The following ABCE1 variants were observed in gnomAD, a reference collection of about 807,000 sequenced individuals.
ABCE1 encodes ATP-binding cassette sub-family E member 1.
A neutral mutation model predicts 83.4 loss-of-function variants in ABCE1; 22 were observed. That is an observed-to-expected ratio of 0.26 (90% CI 0.19 to 0.38). The LOEUF is 0.38. Ranked by LOEUF, ABCE1 falls within the 10% of genes least tolerant of loss-of-function variation. The probability of loss-of-function intolerance (pLI) is 1.00; values close to 1 mark genes in which losing one functional copy is unlikely to be tolerated. For missense variants in ABCE1, 330 were observed against 721.9 expected, an observed-to-expected ratio of 0.46 and a Z score of 6.22; for synonymous variants, 204 against 233.7, an observed-to-expected ratio of 0.87 and a Z score of 1.16.
intron 13 of ABCE1, chr4:145,121,990 A>G (rs1483654635): frequency 6.6e-6 from 1 of 152,318 alleles, no homozygotes; most frequent in Admixed American, 6.5e-5. Flanking sequence ...CTTTACCCAC[A>G]AGATGGGAGA....
chr4:145,109,066 C>T, intron 4 of ABCE1, 66 bp from the exon 5 acceptor site: 1 of 1,099,488 alleles, frequency 9.1e-7, no homozygotes, highest in Non-Finnish European at 1.4e-6. Flanking sequence ...ATATATCATT[C>T]TGATGTTATG....
chr4:145,105,505 C>T (rs1749277264), intron 2 of ABCE1, 100 bp from the exon 3 acceptor site: 1 of 758,720 alleles, frequency 1.3e-6, no homozygotes, highest in East Asian at 2.7e-5. Flanking sequence ...TGAAAATCTG[C>T]TTCTGTATGG....
Position 145,107,997 on chromosome 4 carries a change from C to T in ABCE1, c.190-18C>T. 6 of 1,590,470 alleles carry T rather than the reference C, an allele frequency of 3.8e-6. No individual in the cohort carries two copies. The highest frequency in any genetic ancestry group is 4.3e-6 in the Non-Finnish European group (5 of 1,167,888). ...CTACAAATTAATACAAAAATTAATT[C>T]TTTACTTTAAATAACAGAAATGCCC... On this transcript the variant is annotated intron_variant, in intron 3 of 17. Transcript: ENST00000296577.
At position 145,098,314 on chromosome 4, in the gene ABCE1, G is replaced by C. The variant is rs953197164; in HGVS notation, c.-133G>C. ...CTTGCGCGTGCGGCGGCTGGGCACC[G>C]CCATTTTGGCCGGTGGCCGTGAGAA... On this transcript the variant is annotated 5_prime_UTR_variant, in exon 1 of 18. Transcript: ENST00000296577. 4 of 152,406 alleles carry C rather than the reference G, an allele frequency of 2.6e-5. No individual in the cohort carries two copies. The highest frequency in any genetic ancestry group is 9.6e-5 in the African/African-American group (4 of 41,476). The allele number at this position is 152,406 out of a possible 1,614,324, so 9.4% of individuals were successfully genotyped here. A position where few individuals can be genotyped will look rare whatever the true frequency, so the allele number is the denominator to read the frequency against.
chr4:145,102,769 T>C lies in ABCE1; in HGVS notation c.-27-1617T>C, dbSNP rs1579207971. Among the ~76,000 whole-genome samples, 5 of 152,188 alleles carry C rather than the reference T, an allele frequency of 3.3e-5. No homozygotes were observed. The Middle Eastern group carries it at 0.014, about 414-fold the overall frequency. On this transcript the variant is annotated intron_variant, in intron 1 of 17. Coordinates refer to ENST00000296577, the MANE Select transcript of ABCE1 (RefSeq NM_002940.3). Reference sequence around the variant, plus strand: ...GAATGGAGGAATCAGAGTTGTTGGATTGTTGTGTAGTAGGGGGTGAACTAA... The same window carrying C: ...GAATGGAGGAATCAGAGTTGTTGGACTGTTGTGTAGTAGGGGGTGAACTAA...
rs1344777190 is a variant in ABCE1, at chr4:145,123,107, A to G, written c.1350A>G (p.Gln450=). ...TGACCGATGTAATGAAGCCTCTGCA[A>G]ATTGAAAACATCATTGATCAAGAGG... ...QFVTDVMKPL[Q]IENIIDQEVQ... Residue 450 remains glutamine (Q), a synonymous_variant, in exon 14 of 18, where the codon CAA becomes CAG. Coordinates refer to ENST00000296577, the MANE Select transcript of ABCE1 (RefSeq NM_002940.3). 1 of 1,603,002 alleles carries G rather than the reference A, an allele frequency of 6.2e-7. No homozygotes were observed. The highest frequency in any genetic ancestry group is 8.5e-7 in the Non-Finnish European group (1 of 1,176,750).
At chr4:145,099,039 T>C (rs924707605) in intron 1 of ABCE1, among the ~76,000 whole-genome samples, 2 of 152,212 alleles carry the variant, frequency 1.3e-5, no homozygotes, top group African/African-American at 4.8e-5. Context: ...ATCCTATAGT[T>C]TTTTTGGTAC....
chr4:145,118,502 G>T (rs973220927), intron 10 of ABCE1, among the ~76,000 whole-genome samples: 4 of 151,514 alleles, frequency 2.6e-5, no homozygotes, highest in African/African-American at 9.7e-5. Flanking sequence ...TAGTCTTAAG[G>T]GATGACATCA....
At position 145,109,267 on chromosome 4, in the gene ABCE1, G is replaced by A. The variant is rs1226218664; in HGVS notation, c.405+18G>A. On this transcript the variant is annotated intron_variant, in intron 5 of 17. Coordinates refer to ENST00000296577, the MANE Select transcript of ABCE1 (RefSeq NM_002940.3). Reference sequence around the variant, plus strand: ...AGTACGATGTATGTATTATCACCTTGTAAAAATTAATATCATGAGTCAGTT... The same window carrying A: ...AGTACGATGTATGTATTATCACCTTATAAAAATTAATATCATGAGTCAGTT... 4 of 1,442,002 alleles carry A rather than the reference G, an allele frequency of 2.8e-6. No homozygotes were observed. Among genetic ancestry groups the A allele is most frequent in the African/African-American group, 2.9e-5 (2 of 70,048 alleles). The allele number at this position is 1,442,002 out of a possible 1,614,324, so 89.3% of individuals were successfully genotyped here.
chr4:145,103,667 G>A (rs1251957730), intron 1 of ABCE1, among the ~76,000 whole-genome samples: 1 of 152,046 alleles, frequency 6.6e-6, no homozygotes, highest in Non-Finnish European at 1.5e-5. Flanking sequence ...AGAGCTTGTG[G>A]GATTTCCCCC....
chr4:145,123,475 T>C lies in ABCE1; in HGVS notation c.1518-3T>C. 1 of 1,597,424 alleles carries C rather than the reference T, an allele frequency of 6.3e-7. No individual in the cohort carries two copies. Among genetic ancestry groups the C allele is most frequent in the Non-Finnish European group, 8.6e-7 (1 of 1,166,248 alleles). On this transcript the variant is annotated splice_region_variant and splice_polypyrimidine_tract_variant and intron_variant, in intron 15 of 17. Transcript: ENST00000296577. ...ATAAGATTTCAAAATCATTGTGTTT[T>C]AGTTTCATACTCCATGCAAAAAAGA...
intron 1 of ABCE1, among the ~76,000 whole-genome samples, chr4:145,099,728 A>C (rs1232689260): frequency 6.6e-6 from 1 of 152,192 alleles, no homozygotes; most frequent in Non-Finnish European, 1.5e-5. Flanking sequence ...GGGTTAGACT[A>C]TTTCATGTGA....
chr4:145,120,231 T>A, intron 11 of ABCE1, 78 bp downstream of exon 11: 3 of 1,287,860 alleles, frequency 2.3e-6, no homozygotes, highest in South Asian at 2.7e-5. Context: ...TGTGGAAAAA[T>A]TTGAATCATA....
intron 4 of ABCE1, 104 bp from the exon 5 acceptor site, chr4:145,109,028 G>A: frequency 1.3e-6 from 1 of 762,712 alleles, no homozygotes; most frequent in Non-Finnish European, 2.2e-6. Flanking sequence ...CTTATTAATG[G>A]ATGGTTGTGA....
At position 145,110,235 on chromosome 4, in the gene ABCE1, G is replaced by A; in HGVS notation, c.538G>A (p.Ala180Thr). 1.3e-6 allele frequency: 2 copies of A among 1,599,146 alleles called. No homozygotes were observed. Among genetic ancestry groups the A allele is most frequent in the Non-Finnish European group, 1.7e-6 (2 of 1,176,130 alleles). The change falls in exon 6 of 18, where the codon GCA becomes ACA. Residue 180 changes from alanine to threonine, a missense_variant. Coordinates refer to ENST00000296577, the MANE Select transcript of ABCE1 (RefSeq NM_002940.3). ...PQYVDQIPKA[A>T]KGTVGSILDR... ...ATATGTAGACCAGATTCCTAAGGCT[G>A]CAAAGGTCGGTTTTTGATAGAGGGA...
At chr4:145,121,995 G>T (rs1353743773) in intron 13 of ABCE1, 1 of 152,230 alleles carries the variant, frequency 6.6e-6, no homozygotes, top group African/African-American at 2.4e-5. Context: ...CCCACAAGAT[G>T]GGAGAAACAT....
chr4:145,115,593 A>G (rs953681875), intron 9 of ABCE1, among the ~76,000 whole-genome samples: 4 of 150,546 alleles, frequency 2.7e-5, no homozygotes, highest in African/African-American at 9.8e-5. Flanking sequence ...TCATTCCCTT[A>G]CTCTAGAATT....
intron 2 of ABCE1, among the ~76,000 whole-genome samples, chr4:145,105,308 G>T (rs911852354): frequency 1.3e-5 from 2 of 151,862 alleles, no homozygotes; most frequent in African/African-American, 4.8e-5. Flanking sequence ...AATATTTCAG[G>T]ATATGTCATA....
chr4:145,098,842 G>T (rs775280570), intron 1 of ABCE1, among the ~76,000 whole-genome samples: 5 of 152,232 alleles, frequency 3.3e-5, no homozygotes, highest in Admixed American at 6.5e-5. Context: ...ATATTTGGTT[G>T]TGGGAAGTCG....
Sources: allele counts gnomAD v4.1 joint callset (sites outside exome capture counted in the v4.1 genomes callset), GRCh38; gene constraint gnomAD v4.1.1; transcripts MANE v1.5; gene names NCBI Gene and HGNC (gene_info 2026-07-23, HGNC 2026-07-21).